Variants in SLC35A3 observed in about 807,000 individuals in gnomAD.
SLC35A3 encodes the protein UDP-N-acetylglucosamine transporter.
Under a neutral mutation model 39.0 loss-of-function variants are expected in SLC35A3, and 26 were observed. The ratio of observed to expected loss-of-function variants is 0.67; its 90% confidence interval spans 0.49 to 0.92. The LOEUF (loss-of-function observed/expected upper bound fraction) is 0.92, where lower values mean the gene tolerates loss of function less well. Among genes scored for constraint, SLC35A3 ranks in the 40% least tolerant of loss-of-function variants. SLC35A3 has a pLI of 0.00. For synonymous variants in SLC35A3, 135 were observed against 133.1 expected, an observed-to-expected ratio of 1.01 and a Z score of -0.10; for missense variants, 299 against 371.6, an observed-to-expected ratio of 0.80 and a Z score of 1.61.
Position 100,033,632 on chromosome 1 carries a change from G to T in SLC35A3, c.*11156G>T, listed in dbSNP as rs1198922316. 1 of 151,944 alleles carries T rather than the reference G, an allele frequency of 6.6e-6. No individual in the cohort carries two copies. The highest frequency in any genetic ancestry group is 2.4e-5 in the African/African-American group (1 of 41,368). The allele number at this position is 151,944 out of a possible 1,614,324, so 9.4% of individuals were successfully genotyped here. A position where few individuals can be genotyped will look rare whatever the true frequency, so the allele number is the denominator to read the frequency against. On this transcript the variant is annotated 3_prime_UTR_variant, in exon 8 of 8. Coordinates refer to ENST00000533028, the MANE Select transcript of SLC35A3 (RefSeq NM_012243.3). Reference sequence around the variant, plus strand: ...ATAATGCATTTAGAGTCCCCAATTTGCTTGTCTAGGCCTCTACTATTTAAT... The same window carrying T: ...ATAATGCATTTAGAGTCCCCAATTTTCTTGTCTAGGCCTCTACTATTTAAT...
chr1:99,988,530 C>T (rs959549490), intron 1 of SLC35A3, among the ~76,000 whole-genome samples: 6 of 152,000 alleles, frequency 3.9e-5, no homozygotes, highest in Admixed American at 2.0e-4. Context: ...TTTCAAATTT[C>T]TTGGGTATAT....
Position 100,025,913 on chromosome 1 carries a change from A to T in SLC35A3, c.*3437A>T, listed in dbSNP as rs769750103. The T allele has an allele frequency of 6.6e-6, 1 of 152,182 alleles. No homozygotes were observed. 9.4% of individuals were successfully genotyped at this position (152,182 alleles called of 1,614,324 possible). ...GGAAGAAAAGTTTGAAATGCAACAAATGGATATTTCAACACAGTAGTATTA... is the reference window on the plus strand; with the variant it reads ...GGAAGAAAAGTTTGAAATGCAACAATTGGATATTTCAACACAGTAGTATTA... On this transcript the variant is annotated 3_prime_UTR_variant, in exon 8 of 8. Coordinates refer to ENST00000533028, the MANE Select transcript of SLC35A3 (RefSeq NM_012243.3).
At chr1:100,001,201 G>T (rs568394886) in intron 3 of SLC35A3, among the ~76,000 whole-genome samples, 1 of 151,988 alleles carries the variant, frequency 6.6e-6, no homozygotes, top group African/African-American at 2.4e-5. Context: ...GGGTCTTTGT[G>T]GTTCCATATG....
At chr1:99,980,053 A>C (rs549194268) in intron 1 of SLC35A3, among the ~76,000 whole-genome samples, 81 of 151,822 alleles carry the variant, frequency 5.3e-4, no homozygotes, top group South Asian at 2.3e-3. Flanking sequence ...CTCTCTCTCT[A>C]TATATATGTA....
At position 100,029,754 on chromosome 1, in the gene SLC35A3, G is replaced by T. The variant is rs1661122958; in HGVS notation, c.*7278G>T. 6.6e-6 allele frequency: 1 copy of T among 151,914 alleles called. No individual in the cohort carries two copies. Among genetic ancestry groups the T allele is most frequent in the Non-Finnish European group, 1.5e-5 (1 of 67,982 alleles). The allele number at this position is 151,914 out of a possible 1,614,324, so 9.4% of individuals were successfully genotyped here. ...CCCAGAGACTTTTAATTTATACATT[G>T]TCATTTTTAATTTTAGAATATCTGT... is the stretch of plus-strand genomic sequence containing the variant. On this transcript the variant is annotated 3_prime_UTR_variant, in exon 8 of 8. Transcript: ENST00000533028.
At position 100,001,755 on chromosome 1, in the gene SLC35A3, A is replaced by G. The variant is rs543781959; in HGVS notation, c.342+2340A>G. Among the ~76,000 whole-genome samples the G allele has an allele frequency of 2.0e-5, 3 of 152,086 alleles. No homozygotes were observed. The South Asian group carries it at 6.2e-4, about 32-fold the overall frequency. Reference sequence around the variant, plus strand: ...TTCCAGCTTTTCCGCATTCAGTATGATATTAGTTGTGTGTTTGTCATATAT... The same window carrying G: ...TTCCAGCTTTTCCGCATTCAGTATGGTATTAGTTGTGTGTTTGTCATATAT... On this transcript the variant is annotated intron_variant, in intron 3 of 7. Transcript: ENST00000533028.
intron 1 of SLC35A3, among the ~76,000 whole-genome samples, chr1:99,991,309 T>C (rs1243078701): frequency 6.6e-6 from 1 of 152,122 alleles, no homozygotes; most frequent in Non-Finnish European, 1.5e-5. Flanking sequence ...CATGCCCGGC[T>C]AATTTTTTGT....
Position 100,017,681 on chromosome 1 carries a change from G to A in SLC35A3, c.754-1G>A. On this transcript the variant is annotated splice_acceptor_variant, in intron 6 of 7. Coordinates refer to ENST00000533028, the MANE Select transcript of SLC35A3 (RefSeq NM_012243.3). LOFTEE classifies it high-confidence loss of function. ...TAAAAAATATTTTTTTAAAACTTCA[G>A]GCACTTGGAGGCCTTGTAATAGCTG... The A allele has an allele frequency of 1.3e-6, 2 of 1,526,824 alleles. No individual in the cohort carries two copies. The highest frequency in any genetic ancestry group is 1.8e-6 in the Non-Finnish European group (2 of 1,137,376). 94.6% of individuals were successfully genotyped at this position (1,526,824 alleles called of 1,614,324 possible). A position where few individuals can be genotyped will look rare whatever the true frequency, so the allele number is the denominator to read the frequency against.
chr1:99,980,474 C>T (rs754155675), intron 1 of SLC35A3, among the ~76,000 whole-genome samples: 2 of 152,016 alleles, frequency 1.3e-5, no homozygotes, highest in Admixed American at 6.5e-5. Flanking sequence ...GAGTGCTGAA[C>T]GATTTTTATC....
chr1:100,017,816 G>A lies in SLC35A3; in HGVS notation c.887+1G>A. ...GGCTTCAAGATTTTGTGCCAACCAGGTAAAATGTTCTTTTCTATTTTTTTA... is the reference window on the plus strand; with the variant it reads ...GGCTTCAAGATTTTGTGCCAACCAGATAAAATGTTCTTTTCTATTTTTTTA... On this transcript the variant is annotated splice_donor_variant, in intron 7 of 7. Transcript: ENST00000533028. LOFTEE classifies it high-confidence loss of function. 6 of 1,545,988 alleles carry A rather than the reference G, an allele frequency of 3.9e-6. No homozygotes were observed. The highest frequency in any genetic ancestry group is 5.2e-6 in the Non-Finnish European group (6 of 1,148,790).
In SLC35A3 at chr1:100,027,606, G is replaced by C. The variant is rs1332081039; in HGVS notation, c.*5130G>C. The C allele has an allele frequency of 6.4e-6, 1 of 156,136 alleles. No individual in the cohort carries two copies. The highest frequency in any genetic ancestry group is 1.4e-5 in the Non-Finnish European group (1 of 70,694). 9.7% of individuals were successfully genotyped at this position (156,136 alleles called of 1,614,324 possible). On this transcript the variant is annotated 3_prime_UTR_variant, in exon 8 of 8. Transcript: ENST00000533028. ...CAAGGTTAAGTAATTATAGAAGTTT[G>C]GTATGTATTTTCTTCATAATTTGAA...
rs1315927071 is a variant in SLC35A3, at chr1:100,030,460, TA to T, written c.*7988del. 6.6e-6 allele frequency: 1 copy of T among 152,250 alleles called. No individual in the cohort carries two copies. Among genetic ancestry groups the T allele is most frequent in the Non-Finnish European group, 1.5e-5 (1 of 68,038 alleles). The allele number at this position is 152,250 out of a possible 1,614,324, so 9.4% of individuals were successfully genotyped here. On this transcript the variant is annotated 3_prime_UTR_variant, in exon 8 of 8. Coordinates refer to ENST00000533028, the MANE Select transcript of SLC35A3 (RefSeq NM_012243.3). ...CTCAACACAAATTTGTAAACTTTCT[TA>T]AAACAGTATGAGATTTTTTTGCAAT... is the stretch of plus-strand genomic sequence containing the variant.
rs1660856280 is a variant in SLC35A3, at chr1:100,025,414, A to G, written c.*2938A>G. ...TTAGTTACAATGGTAACACATTTTT[A>G]GGTGTCGAAACACAATTTTCAAAAT... On this transcript the variant is annotated 3_prime_UTR_variant, in exon 8 of 8. Transcript: ENST00000533028. The G allele has an allele frequency of 6.6e-6, 1 of 152,364 alleles. No individual in the cohort carries two copies. The highest frequency in any genetic ancestry group is 1.9e-4 in the East Asian group (1 of 5,188). The allele number at this position is 152,364 out of a possible 1,614,324, so 9.4% of individuals were successfully genotyped here.
At chr1:99,999,743 C>T (rs1658637310) in intron 3 of SLC35A3, among the ~76,000 whole-genome samples, 2 of 151,930 alleles carry the variant, frequency 1.3e-5, no homozygotes, top group South Asian at 2.1e-4. Context: ...CTCCCCCTGC[C>T]CTTGTATCTT....
At chr1:99,993,977 T>C (rs892454061) in intron 2 of SLC35A3, among the ~76,000 whole-genome samples, 1 of 152,198 alleles carries the variant, frequency 6.6e-6, no homozygotes, top group East Asian at 1.9e-4. Flanking sequence ...CTTGCATTTA[T>C]AATAATTTGA....
At chr1:100,001,101 G>A (rs1658758963) in intron 3 of SLC35A3, among the ~76,000 whole-genome samples, 1 of 151,888 alleles carries the variant, frequency 6.6e-6, no homozygotes, top group African/African-American at 2.4e-5. Flanking sequence ...TGCTATTTTG[G>A]TTACTATAGC....
At chr1:100,015,765 G>A (rs527654817) in intron 6 of SLC35A3, 3 of 237,564 alleles carry the variant, frequency 1.3e-5, no homozygotes, top group South Asian at 1.7e-4. Flanking sequence ...CCAGGAAGCA[G>A]ATCTAGATAT....
intron 1 of SLC35A3, among the ~76,000 whole-genome samples, chr1:99,972,287 C>T (rs1174357590): frequency 6.6e-6 from 1 of 151,504 alleles, no homozygotes; most frequent in Non-Finnish European, 1.5e-5. Flanking sequence ...TCTATTATCC[C>T]TACTGTAATG....
At chr1:100,003,416 CAA>C (rs34020224) in intron 3 of SLC35A3, among the ~76,000 whole-genome samples, 4,483 of 56,876 alleles carry the variant, frequency 0.079, 35 homozygotes, top group African/African-American at 0.11. Flanking sequence ...AACTCCATCT[CAA>C]AAAAAAAAAA....
Sources: allele counts gnomAD v4.1 joint callset (sites outside exome capture counted in the v4.1 genomes callset), GRCh38; gene constraint gnomAD v4.1.1; transcripts MANE v1.5; gene names NCBI Gene and HGNC (gene_info 2026-07-23, HGNC 2026-07-21).